Variants in IFI16 observed in about 807,000 individuals in gnomAD.
The protein encoded by IFI16 is gamma-interferon-inducible protein 16.
In IFI16, 49 loss-of-function variants were observed where a neutral mutation model predicts 68.4. The ratio of observed to expected loss-of-function variants is 0.72; its 90% confidence interval spans 0.57 to 0.91. The LOEUF is 0.91. Ranked by LOEUF, IFI16 falls within the 40% of genes least tolerant of loss-of-function variation. The probability of loss-of-function intolerance (pLI) is 0.00; values close to 1 mark genes in which losing one functional copy is unlikely to be tolerated. For synonymous variants in IFI16, 307 were observed against 315.0 expected (o/e 0.97, Z 0.27); for missense variants, 878 against 942.9 (o/e 0.93, Z 0.90).
intron 4 of IFI16, among the ~76,000 whole-genome samples, chr1:159,017,972 A>G (rs569534750): frequency 9.6e-4 from 146 of 152,282 alleles, no homozygotes; most frequent in African/African-American, 3.4e-3. Context: ...TGTTGCTCTT[A>G]TGCTTTATTT....
chr1:159,021,077 G>T (rs1653282834), intron 6 of IFI16, among the ~76,000 whole-genome samples: 1 of 152,094 alleles, frequency 6.6e-6, no homozygotes, highest in Non-Finnish European at 1.5e-5. Context: ...TTACGCTGTT[G>T]CCATTTTGAA....
At chr1:159,043,566 C>T (rs1203130900) in intron 7 of IFI16, among the ~76,000 whole-genome samples, 6 of 152,134 alleles carry the variant, frequency 3.9e-5, no homozygotes, top group South Asian at 2.1e-4. Flanking sequence ...CAACGTAAGC[C>T]GGGAATCCTT....
chr1:159,032,483 C>T (rs749008727), intron 6 of IFI16, 41 bp from the exon 7 acceptor site: 4 of 1,271,670 alleles, frequency 3.1e-6, no homozygotes, highest in Middle Eastern at 3.9e-4. Flanking sequence ...TGTGCTTCCT[C>T]TAATATTGAA....
chr1:159,031,001 G>C (rs1653966783), intron 6 of IFI16, among the ~76,000 whole-genome samples: 1 of 152,038 alleles, frequency 6.6e-6, no homozygotes, highest in African/African-American at 2.4e-5. Flanking sequence ...CTTGGACAGG[G>C]AAAGCTGATG....
At chr1:159,038,754 A>G (rs145792250) in intron 7 of IFI16, among the ~76,000 whole-genome samples, 399 of 152,336 alleles carry the variant, frequency 2.6e-3, no homozygotes, top group Non-Finnish European at 4.8e-3. Flanking sequence ...TTAACAAGGT[A>G]TAAAAAGACA....
upstream of IFI16, among the ~76,000 whole-genome samples, chr1:159,004,568 G>C (rs933052028): frequency 6.6e-6 from 1 of 152,132 alleles, no homozygotes; most frequent in African/African-American, 2.4e-5. Flanking sequence ...AGCCAGGCTT[G>C]ATGGTGCATG....
chr1:159,016,586 C>G lies in IFI16; in HGVS notation c.435C>G (p.Ser145=), dbSNP rs759892438. The G allele has an allele frequency of 1.2e-6, 2 of 1,614,028 alleles. No individual in the cohort carries two copies. Among genetic ancestry groups the G allele is most frequent in the African/African-American group, 1.3e-5 (1 of 75,018 alleles). ...CTGGACCCAAAGGGAGTAAGGTGTCCGAGGAACAGACTCAGCCTCCCTCTC... is the reference window on the plus strand; with the variant it reads ...CTGGACCCAAAGGGAGTAAGGTGTCGGAGGAACAGACTCAGCCTCCCTCTC... ...EKAGPKGSKV[S]EEQTQPPSPA... Residue 145 remains serine (S), a synonymous_variant, in exon 4 of 12, where the codon TCC becomes TCG. Transcript: ENST00000295809.
In IFI16 at chr1:159,037,878, CATAAA is replaced by C. The variant is rs539870402; in HGVS notation, c.1329+5192_1329+5196del. Among the ~76,000 whole-genome samples, 725 of 152,016 alleles carry C rather than the reference CATAAA, an allele frequency of 4.8e-3. 5 individuals carry two copies. The highest frequency in any genetic ancestry group is 8.3e-3 in the Non-Finnish European group (564 of 67,936). On this transcript the variant is annotated intron_variant, in intron 7 of 11. Transcript: ENST00000295809. ...CAGACATTAAAAAAAATGCACAGAA[CATAAA>C]ATAACAATAAAAATATTGTTCTGCT... is the stretch of plus-strand genomic sequence containing the variant.
rs1159065584 is a variant in IFI16, at chr1:159,036,519, C to T, written c.1329+3828C>T. 5.3e-5 allele frequency among the ~76,000 whole-genome samples: 8 copies of T among 152,202 alleles called. No individual in the cohort carries two copies. In the East Asian group the frequency reaches 1.5e-3, roughly 29 times the overall value. ...GATTCAAATCCAGCCTTAATGAACT[C>T]TAAAGCTTGAGCATTTAATGATCAT... On this transcript the variant is annotated intron_variant, in intron 7 of 11. Transcript: ENST00000295809.
At chr1:159,048,702 G>T (rs759117431) in intron 8 of IFI16, among the ~76,000 whole-genome samples, 3 of 151,386 alleles carry the variant, frequency 2.0e-5, no homozygotes, top group Non-Finnish European at 4.4e-5. Flanking sequence ...AAAATAATGT[G>T]CCACATTGGC....
intron 8 of IFI16, among the ~76,000 whole-genome samples, chr1:159,045,837 C>A (rs1476331132): frequency 6.6e-6 from 1 of 150,960 alleles, no homozygotes; most frequent in Non-Finnish European, 1.5e-5. Context: ...TCAAATAATA[C>A]CATCTTTAAA....
intron 1 of IFI16, among the ~76,000 whole-genome samples, chr1:159,013,698 C>T (rs1271953942): frequency 1.3e-5 from 2 of 151,880 alleles, no homozygotes; most frequent in Non-Finnish European, 2.9e-5. Context: ...GGGAAGTAGT[C>T]AAAGAAAGAA....
chr1:159,025,321 C>T (rs1277334550), intron 6 of IFI16, among the ~76,000 whole-genome samples: 2 of 151,224 alleles, frequency 1.3e-5, no homozygotes, highest in Non-Finnish European at 2.9e-5. Flanking sequence ...TGGCCACCCT[C>T]GGGACTTAAA....
At chr1:159,030,525 A>T (rs188925198) in intron 6 of IFI16, among the ~76,000 whole-genome samples, 8 of 152,100 alleles carry the variant, frequency 5.3e-5, no homozygotes, top group African/African-American at 1.7e-4. Context: ...TCTCCAAAGG[A>T]TGGGGCTTCC....
At chr1:159,050,332 GTC>G (rs1557882934) in intron 9 of IFI16, among the ~76,000 whole-genome samples, 1 of 152,102 alleles carries the variant, frequency 6.6e-6, no homozygotes, top group Non-Finnish European at 1.5e-5. Context: ...AAGATCACAT[GTC>G]TCTCAGATCT....
rs113965549 is a variant in IFI16, at chr1:159,029,560, CAATT to C, written c.1162-2960_1162-2957del. On this transcript the variant is annotated intron_variant, in intron 6 of 11. Coordinates refer to ENST00000295809, the MANE Select transcript of IFI16 (RefSeq NM_001376587.1). ...CTAGGAAAGCCAGGGAAGTTTTCCT[CAATT>C]AATCCCTCAAATATGTTTTTCAAAC... Among the ~76,000 whole-genome samples the C allele has an allele frequency of 1.6e-3, 242 of 152,238 alleles. 2 individuals are homozygous for C. Among genetic ancestry groups the C allele is most frequent in the Middle Eastern group, 0.01 (3 of 294 alleles).
At chr1:159,019,347 G>C (rs10908699) in intron 5 of IFI16, among the ~76,000 whole-genome samples, 47,072 of 151,432 alleles carry the variant, frequency 0.31, 11,896 homozygotes, top group African/African-American at 0.69. Flanking sequence ...ATTCCACCCC[G>C]CAAAAAAGCA....
intron 6 of IFI16, among the ~76,000 whole-genome samples, chr1:159,026,670 G>A (rs938408862): frequency 5.3e-5 from 8 of 152,100 alleles, no homozygotes; most frequent in African/African-American, 1.9e-4. Flanking sequence ...TGTTTGCGTC[G>A]TCTATGATTT....
chr1:159,048,060 A>T lies in IFI16; in HGVS notation c.1498-1372A>T, dbSNP rs182690516. On this transcript the variant is annotated intron_variant, in intron 8 of 11. Coordinates refer to ENST00000295809, the MANE Select transcript of IFI16 (RefSeq NM_001376587.1). ...AAGACAATCTTGTCAATAAAATTAC[A>T]TTGCTACACATGGCAGATCTGAAGA... 4.0e-5 allele frequency among the ~76,000 whole-genome samples: 6 copies of T among 148,352 alleles called. No individual in the cohort carries two copies. In the Admixed American group the frequency reaches 4.1e-4, roughly 10 times the overall value.
Sources: allele counts gnomAD v4.1 joint callset (sites outside exome capture counted in the v4.1 genomes callset), GRCh38; gene constraint gnomAD v4.1.1; transcripts MANE v1.5; gene names NCBI Gene and HGNC (gene_info 2026-07-23, HGNC 2026-07-21).